Variants in ABCA1 observed in about 807,000 individuals in gnomAD.
ABCA1 encodes ATP binding cassette subfamily A member 1.
In ABCA1, 133 loss-of-function variants were observed where a neutral mutation model predicts 262.5. That is an observed-to-expected ratio of 0.51 (90% CI 0.44 to 0.59). The LOEUF is 0.59. Among genes scored for constraint, ABCA1 ranks in the 20% least tolerant of loss-of-function variants. ABCA1 has a pLI of 0.00. For synonymous variants in ABCA1, 1,022 were observed against 1,043.5 expected (o/e 0.98, Z 0.40); for missense variants, 2,452 against 2,777.5 (o/e 0.88, Z 2.63).
rs1831991013 is a variant in ABCA1 at position 104,818,603 on chromosome 9, AG to A, written c.3462+59del. ...GGGTGGAGATGGAGAAATCATTCACAGCCAGCAAGTCCTGGCTGCCCAGACC... is the reference window on the plus strand; with the variant it reads ...GGGTGGAGATGGAGAAATCATTCACACCAGCAAGTCCTGGCTGCCCAGACC... On this transcript the variant is annotated intron_variant, in intron 23 of 49. Transcript: ENST00000374736. The A allele has an allele frequency of 3.3e-6, 5 of 1,505,968 alleles. 1 individual carries two copies. The Admixed American group carries it at 6.7e-5, about 20-fold the overall frequency. The allele number at this position is 1,505,968 out of a possible 1,614,324, so 93.3% of individuals were successfully genotyped here. A position where few individuals can be genotyped will look rare whatever the true frequency, so the allele number is the denominator to read the frequency against.
intron 43 of ABCA1, 109 bp downstream of exon 43, chr9:104,791,827 C>T: frequency 1.9e-6 from 2 of 1,064,204 alleles, no homozygotes; most frequent in Non-Finnish European, 1.4e-6. Context: ...GGCATAAATA[C>T]AGAAGCCTTT....
At chr9:104,895,366 T>G (rs138960174) in intron 2 of ABCA1, among the ~76,000 whole-genome samples, 1 of 152,200 alleles carries the variant, frequency 6.6e-6, no homozygotes, top group African/African-American at 2.4e-5. Flanking sequence ...TGGGGCCAGA[T>G]AGGTGTTGTG....
At chr9:104,813,433 A>T (rs1831453709) in intron 27 of ABCA1, among the ~76,000 whole-genome samples, 1 of 152,032 alleles carries the variant, frequency 6.6e-6, no homozygotes, top group Non-Finnish European at 1.5e-5. Flanking sequence ...CTTTTTTGAG[A>T]TGGAGTTTTC....
At chr9:104,809,883 A>AATG (rs1831119549) in intron 29 of ABCA1, among the ~76,000 whole-genome samples, 1 of 152,042 alleles carries the variant, frequency 6.6e-6, no homozygotes, top group Non-Finnish European at 1.5e-5. Flanking sequence ...TCAACTCATT[A>AATG]AGTATTTCAA....
chr9:104,901,359 C>G (rs1840654002), intron 2 of ABCA1, among the ~76,000 whole-genome samples: 1 of 152,094 alleles, frequency 6.6e-6, no homozygotes, highest in African/African-American at 2.4e-5. Context: ...TCAGCTTTCT[C>G]ATCCGTAAAA....
At chr9:104,857,099 G>A (rs1788162994) in intron 7 of ABCA1, among the ~76,000 whole-genome samples, 1 of 152,138 alleles carries the variant, frequency 6.6e-6, no homozygotes, top group Non-Finnish European at 1.5e-5. Flanking sequence ...GAGCTCAGGA[G>A]TTCGAGACCA....
chr9:104,923,310 G>A (rs1000806371), intron 1 of ABCA1, among the ~76,000 whole-genome samples: 1 of 152,100 alleles, frequency 6.6e-6, no homozygotes, highest in Non-Finnish European at 1.5e-5. Context: ...AGATCACATA[G>A]GAAAACATTT....
intron 5 of ABCA1, among the ~76,000 whole-genome samples, chr9:104,880,839 C>A (rs12006437): frequency 0.08 from 12,188 of 152,022 alleles, 1,386 homozygotes; most frequent in African/African-American, 0.25. Context: ...TTCTTCACCA[C>A]TTAACTCATG....
At chr9:104,921,411 G>C (rs2515615) in intron 1 of ABCA1, among the ~76,000 whole-genome samples, 136,606 of 152,260 alleles carry the variant, frequency 0.9, 61,502 homozygotes, top group African/African-American at 0.92. Context: ...AGTGAGTCAT[G>C]TCACTCTTAT....
Position 104,891,353 on chromosome 9 carries a change from A to G in ABCA1, c.67-2158T>C, listed in dbSNP as rs774378961. On this transcript the variant is annotated intron_variant, in intron 2 of 49. Transcript: ENST00000374736. ...GGCAGGCGGATCACCTGAGGTCAGGAGTTGGAGACCAGCCTGGCCAACATG... is the reference window on the plus strand; with the variant it reads ...GGCAGGCGGATCACCTGAGGTCAGGGGTTGGAGACCAGCCTGGCCAACATG... Among the ~76,000 whole-genome samples, 418 of 152,114 alleles carry G rather than the reference A, an allele frequency of 2.7e-3. 1 individual carries two copies. The highest frequency in any genetic ancestry group is 4.1e-3 in the Non-Finnish European group (279 of 67,976).
At chr9:104,791,126 C>T in intron 43 of ABCA1, 98 bp from the exon 44 acceptor site, 1 of 804,990 alleles carries the variant, frequency 1.2e-6, no homozygotes, top group South Asian at 1.4e-5. Flanking sequence ...TCTTAAATAT[C>T]AGAGAAGAAT....
rs376974120 is a variant in ABCA1, at chr9:104,816,194, G to C, written c.3687C>G (p.Leu1229=). 1.9e-6 allele frequency: 3 copies of C among 1,614,076 alleles called. No homozygotes were observed. Among genetic ancestry groups the C allele is most frequent in the African/African-American group, 1.3e-5 (1 of 74,918 alleles). ...CATAACTAGAAATGCCCAGGTCTGA[G>C]AGCCGGTCATCAATCTCATGAAAGA... ...VELFHEIDDR[L]SDLGISSYGI... Residue 1229 remains leucine, a synonymous_variant, in exon 25 of 50, where the codon CTC becomes CTG. Coordinates refer to ENST00000374736, the MANE Select transcript of ABCA1 (RefSeq NM_005502.4).
At chr9:104,788,108 C>A (rs1225335122) in intron 45 of ABCA1, 54 bp from the exon 46 acceptor site, 10 of 1,546,272 alleles carry the variant, frequency 6.5e-6, no homozygotes, top group Non-Finnish European at 8.9e-6. Context: ...TTTTATCATG[C>A]TGTCCTACAC....
intron 1 of ABCA1, among the ~76,000 whole-genome samples, chr9:104,913,371 C>A (rs1588581165): frequency 6.6e-6 from 1 of 152,126 alleles, no homozygotes; most frequent in South Asian, 2.1e-4. Context: ...ACTCTGAGCC[C>A]CTGTATCTTC....
At chr9:104,858,437 A>C in intron 7 of ABCA1, 85 bp downstream of exon 7, 2 of 1,432,464 alleles carry the variant, frequency 1.4e-6, no homozygotes, top group Non-Finnish European at 2.0e-6. Flanking sequence ...CTTTTCTACA[A>C]AACAAAGTCA....
At chr9:104,827,250 G>C in intron 15 of ABCA1, 81 bp from the exon 16 acceptor site, 5 of 1,197,396 alleles carry the variant, frequency 4.2e-6, no homozygotes, top group Non-Finnish European at 6.1e-6. Context: ...AAAAAGACAG[G>C]GTTTATTCCT....
At chr9:104,826,474 C>T (rs1159699266) in intron 16 of ABCA1, among the ~76,000 whole-genome samples, 4 of 152,302 alleles carry the variant, frequency 2.6e-5, no homozygotes, top group African/African-American at 9.6e-5. Flanking sequence ...ACCTGCTCCT[C>T]AGTTGTGCTT....
At chr9:104,908,835 A>T (rs531442708) in intron 1 of ABCA1, among the ~76,000 whole-genome samples, 22 of 152,336 alleles carry the variant, frequency 1.4e-4, no homozygotes, top group African/African-American at 5.1e-4. Context: ...GGAAAAGGTG[A>T]AATGAAGGGG....
chr9:104,854,921 T>A (rs2119084070), intron 7 of ABCA1, among the ~76,000 whole-genome samples: 1 of 152,334 alleles, frequency 6.6e-6, no homozygotes, highest in Admixed American at 6.5e-5. Context: ...AAGAACTGAA[T>A]AAATATTGCT....
Sources: gnomAD v4.1 joint callset for allele counts (sites outside exome capture counted in the v4.1 genomes callset) on GRCh38, gnomAD v4.1.1 for gene constraint, MANE v1.5 for transcripts, NCBI Gene and HGNC (gene_info 2026-07-23, HGNC 2026-07-21) for gene names.